EPHB2: variants seen among roughly 807,000 people sequenced by gnomAD.
EPHB2 encodes the protein EPH receptor B2, also known as ephrin type-B receptor 2.
EPHB2 carries 18 observed loss-of-function variants against 96.4 expected under a neutral mutation model. That is an observed-to-expected ratio of 0.19 (90% CI 0.13 to 0.28). The LOEUF is 0.28. EPHB2 is among the 10% of genes least tolerant of loss of function. The pLI is 1.00. For missense variants in EPHB2, 989 were observed against 1,355.4 expected (o/e 0.73, Z 4.25); for synonymous variants, 506 against 534.1 (o/e 0.95, Z 0.72).
chr1:22,843,760 C>T lies in EPHB2; in HGVS notation c.812-19277C>T, dbSNP rs746697277. On this transcript the variant is annotated intron_variant, in intron 3 of 15. Coordinates refer to ENST00000374630, the MANE Select transcript of EPHB2 (RefSeq NM_017449.5). ...TTTACCATGTTGGCCAGGCTGCTCT[C>T]GAACTCCTGACCTCAAGTGATCTGC... Among the ~76,000 whole-genome samples, 6 of 152,230 alleles carry T rather than the reference C, an allele frequency of 3.9e-5. No homozygotes were observed. In the South Asian group the frequency reaches 8.3e-4, roughly 21 times the overall value.
intron 4 of EPHB2, among the ~76,000 whole-genome samples, chr1:22,864,317 A>ATGTTG (rs199824999): frequency 0.013 from 1,928 of 152,286 alleles, 38 homozygotes; most frequent in African/African-American, 0.042. Context: ...AAGTGCTGGG[A>ATGTTG]TTACAGGTGT....
At position 22,908,166 on chromosome 1, in the gene EPHB2, C is replaced by T; in HGVS notation, c.2350C>T (p.Leu784=). ...DTSDPTYTSA[L]GGKIPIRWTA... is the part of the protein sequence containing the mutation. ...CTCAGACCCCACCTACACCAGTGCC[C>T]TGGTAAGATGGAGGCAGGGAACACC... is the stretch of plus-strand genomic sequence containing the variant. The change falls in exon 12 of 16, where the codon CTG becomes TTG. Residue 784 remains leucine (L), a splice_region_variant and synonymous_variant. Transcript: ENST00000374630. The T allele has an allele frequency of 1.9e-6, 3 of 1,614,236 alleles. No individual in the cohort carries two copies. Among genetic ancestry groups the T allele is most frequent in the Non-Finnish European group, 2.5e-6 (3 of 1,180,042 alleles).
At chr1:22,740,993 G>A (rs982676391) in intron 1 of EPHB2, among the ~76,000 whole-genome samples, 6 of 151,978 alleles carry the variant, frequency 3.9e-5, no homozygotes, top group East Asian at 1.9e-4. Context: ...CCTTGCTGAC[G>A]GCGGGGATTG....
intron 1 of EPHB2, among the ~76,000 whole-genome samples, chr1:22,743,685 C>T (rs1643931414): frequency 6.6e-6 from 1 of 152,164 alleles, no homozygotes. Context: ...GTTGGCCAGG[C>T]TGGTCTCAAA....
rs947388969 is a variant in EPHB2 at position 22,875,294 on chromosome 1, G to A, written c.1304-7065G>A. ...TCAAAAAGCAGCTGTCCCATGATGA[G>A]CTGGGAATTCTAAGAGTCCCGTCCC... On this transcript the variant is annotated intron_variant, in intron 5 of 15. Transcript: ENST00000374630. The surrounding 1 kb of genome is among the most constrained non-coding windows in gnomAD (Gnocchi z 4.2). Among the ~76,000 whole-genome samples the A allele has an allele frequency of 6.6e-6, 1 of 152,214 alleles. No individual in the cohort carries two copies. Among genetic ancestry groups the A allele is most frequent in the African/African-American group, 2.4e-5 (1 of 41,446 alleles).
rs768622376 is a variant in EPHB2 at position 22,882,406 on chromosome 1, A to G, written c.1351A>G (p.Ser451Gly). The change falls in exon 6 of 16, where the codon AGC (serine) becomes GGC (glycine). Residue 451 changes from serine to glycine, a missense_variant. Physicochemically the swap from Ser to Gly is moderately conservative, Grantham distance 56 (BLOSUM62 0). Transcript: ENST00000374630. Reference protein sequence around the residue: ...IMHQVSRTVDSITLSWSQPDQ... With the variant: ...IMHQVSRTVDGITLSWSQPDQ... ...GCATCAGGTGAGCCGCACCGTGGAC[A>G]GCATTACCCTGTCGTGGTCCCAGCC... The G allele has an allele frequency of 2.5e-6, 4 of 1,614,204 alleles. No homozygotes were observed. Among genetic ancestry groups the G allele is most frequent in the Non-Finnish European group, 3.4e-6 (4 of 1,180,030 alleles).
intron 3 of EPHB2, among the ~76,000 whole-genome samples, chr1:22,818,364 A>G (rs543022501): frequency 6.6e-6 from 1 of 152,102 alleles, no homozygotes; most frequent in African/African-American, 2.4e-5. Context: ...TCCTGGCCCC[A>G]TGAACCACCG....
chr1:22,725,743 C>G (rs1405254821), intron 1 of EPHB2, among the ~76,000 whole-genome samples: 1 of 152,188 alleles, frequency 6.6e-6, no homozygotes, highest in Non-Finnish European at 1.5e-5. Context: ...AGATATGTTC[C>G]TGCTGTCAAA....
intron 5 of EPHB2, among the ~76,000 whole-genome samples, chr1:22,881,999 A>G (rs28575426): frequency 6.6e-6 from 1 of 152,154 alleles, no homozygotes; most frequent in Admixed American, 6.5e-5. Flanking sequence ...CACTGGTGGG[A>G]GGAATGGGAG....
At chr1:22,737,094 G>A (rs1570177946) in intron 1 of EPHB2, among the ~76,000 whole-genome samples, 1 of 152,150 alleles carries the variant, frequency 6.6e-6, no homozygotes, top group Non-Finnish European at 1.5e-5. Context: ...TGGTTCTCAG[G>A]AGAGACCACC....
intron 3 of EPHB2, among the ~76,000 whole-genome samples, chr1:22,839,905 T>C (rs1645441051): frequency 6.6e-6 from 1 of 152,166 alleles, no homozygotes; most frequent in Admixed American, 6.5e-5. Context: ...ACTCCTTCAC[T>C]TGTAGCCCTC....
At chr1:22,871,308 A>G (rs1250175799) in intron 5 of EPHB2, among the ~76,000 whole-genome samples, 2 of 152,160 alleles carry the variant, frequency 1.3e-5, no homozygotes, top group Admixed American at 1.3e-4. Flanking sequence ...TCCATACCAC[A>G]GCCTGGCTGG....
rs192985168 is a variant in EPHB2, at chr1:22,822,358, C to A, written c.811+37282C>A. ...AAAAAAAGGAAAGTGATGGAAAAGA[C>A]CTACCAAACAATGCTAAAAATAAAT... is the stretch of plus-strand genomic sequence containing the variant. On this transcript the variant is annotated intron_variant, in intron 3 of 15. Transcript: ENST00000374630. Among the ~76,000 whole-genome samples the A allele has an allele frequency of 6.1e-4, 92 of 152,046 alleles. 2 individuals are homozygous for A. In the East Asian group the frequency reaches 0.016, roughly 27 times the overall value.
chr1:22,781,332 AAAAAG>A (rs1644528634), intron 1 of EPHB2, 84 bp from the exon 2 acceptor site: 22 of 1,311,174 alleles, frequency 1.7e-5, no homozygotes, highest in African/African-American at 4.5e-5. Flanking sequence ...AAAAAAAAAA[AAAAAG>A]AAGAAGAAGG....
Position 22,784,371 on chromosome 1 carries a change from T to C in EPHB2, c.127-21T>C, listed in dbSNP as rs777475481. ...GGGGCTGAGCCCTTACCTCCCCACC[T>C]GACGAGCATTTTACCCACAGTGGGA... On this transcript the variant is annotated intron_variant, in intron 2 of 15. Coordinates refer to ENST00000374630, the MANE Select transcript of EPHB2 (RefSeq NM_017449.5). The surrounding 1 kb of genome is among the most constrained non-coding windows in gnomAD (Gnocchi z 5.1). 5 of 1,613,380 alleles carry C rather than the reference T, an allele frequency of 3.1e-6. No homozygotes were observed. The South Asian group carries it at 4.4e-5, about 14-fold the overall frequency.
chr1:22,782,321 C>T (rs936691683), intron 2 of EPHB2, among the ~76,000 whole-genome samples: 1 of 152,200 alleles, frequency 6.6e-6, no homozygotes, highest in Admixed American at 6.5e-5. Context: ...CTATAATCAT[C>T]ATCATCATTG....
chr1:22,786,290 G>A (rs1205849018), intron 3 of EPHB2, among the ~76,000 whole-genome samples: 6 of 152,230 alleles, frequency 3.9e-5, no homozygotes, highest in Non-Finnish European at 5.9e-5. Context: ...TTAACTAAAT[G>A]AGATGATGTG....
chr1:22,786,221 C>A (rs1392933414), intron 3 of EPHB2, among the ~76,000 whole-genome samples: 1 of 152,166 alleles, frequency 6.6e-6, no homozygotes, highest in Non-Finnish European at 1.5e-5. Flanking sequence ...GAGTCAGGAA[C>A]TTGAGGCATG....
Position 22,909,167 on chromosome 1 carries a change from A to T in EPHB2, c.2498A>T (p.Gln833Leu). Residue 833 changes from glutamine to leucine, a missense_variant, in exon 13 of 16, where the codon CAG becomes CTG. Transcript: ENST00000374630. ...GERPYWDMTN[Q>L]DVINAIEQDY... The stretch of plus-strand genomic sequence containing the variant: ...CGGCCCTACTGGGACATGACCAACC[A>T]GGATGTAAGTCTCCAAGGGGATAGG... 1 of 1,614,230 alleles carries T rather than the reference A, an allele frequency of 6.2e-7. No homozygotes were observed. Among genetic ancestry groups the T allele is most frequent in the Non-Finnish European group, 8.5e-7 (1 of 1,180,032 alleles).
Sources: gnomAD v4.1 joint callset for allele counts (sites outside exome capture counted in the v4.1 genomes callset) on GRCh38, gnomAD v4.1.1 for gene constraint, Gnocchi (gnomAD v3.1) non-coding constraint, MANE v1.5 for transcripts, NCBI Gene and HGNC (gene_info 2026-07-23, HGNC 2026-07-21) for gene names.